The following CLEC16A variants were observed in gnomAD, a reference collection of about 807,000 sequenced individuals.
CLEC16A encodes protein CLEC16A.
In CLEC16A, 51 loss-of-function variants were observed where a neutral mutation model predicts 109.5. That is an observed-to-expected ratio of 0.47 (90% CI 0.37 to 0.59). The LOEUF is 0.59. Among genes scored for constraint, CLEC16A ranks in the 20% least tolerant of loss-of-function variants. The pLI is 0.00. For synonymous variants in CLEC16A, 673 were observed against 564.2 expected (o/e 1.19, Z -2.73); for missense variants, 1,339 against 1,394.0 (o/e 0.96, Z 0.63).
At chr16:10,951,469 G>A (rs1261546053) in intron 1 of CLEC16A, among the ~76,000 whole-genome samples, 1 of 152,044 alleles carries the variant, frequency 6.6e-6, no homozygotes, top group Non-Finnish European at 1.5e-5. Flanking sequence ...TTACTTCATT[G>A]TTTGCATTTC....
intron 22 of CLEC16A, among the ~76,000 whole-genome samples, chr16:11,153,505 G>T (rs931571233): frequency 1.3e-5 from 2 of 151,340 alleles, no homozygotes; most frequent in African/African-American, 4.9e-5. Flanking sequence ...ACCTCTAACA[G>T]ATTAAAAAGG....
Position 11,131,499 on chromosome 16 carries a change from C to T in CLEC16A, c.2641+5353C>T, listed in dbSNP as rs2053204368. 2.0e-5 allele frequency among the ~76,000 whole-genome samples: 3 copies of T among 152,318 alleles called. No individual in the cohort carries two copies. In the South Asian group the frequency reaches 6.2e-4, roughly 32 times the overall value. On this transcript the variant is annotated intron_variant, in intron 22 of 23. Transcript: ENST00000409790. Reference sequence around the variant, plus strand: ...AGGAGGCCGCAGGGAACCAGAGCTGCTTACAGGTGTTACCCTGGTGGGTTG... The same window carrying T: ...AGGAGGCCGCAGGGAACCAGAGCTGTTTACAGGTGTTACCCTGGTGGGTTG...
chr16:11,051,467 C>T (rs2047937041), intron 17 of CLEC16A, 46 bp from the exon 18 acceptor site: 1 of 1,584,404 alleles, frequency 6.3e-7, no homozygotes, highest in Non-Finnish European at 8.7e-7. Flanking sequence ...CTTCCTCCTT[C>T]CAAGTAAGGA....
chr16:10,969,105 C>G, intron 3 of CLEC16A, 56 bp from the exon 4 acceptor site: 4 of 1,477,484 alleles, frequency 2.7e-6, no homozygotes, highest in Middle Eastern at 2.3e-4. Context: ...TGCTTGTTAC[C>G]TGGCTTATCT....
chr16:11,012,470 C>G (rs1475691500), intron 11 of CLEC16A, among the ~76,000 whole-genome samples: 1 of 151,920 alleles, frequency 6.6e-6, no homozygotes, highest in East Asian at 1.9e-4. Flanking sequence ...TGGCACGTGC[C>G]TGTAGTCCCA....
chr16:11,042,888 GTAT>G (rs781310133), intron 15 of CLEC16A, among the ~76,000 whole-genome samples: 15 of 149,262 alleles, frequency 1.0e-4, no homozygotes, highest in Non-Finnish European at 1.5e-4. Context: ...ATATATTTAA[GTAT>G]TATAAGCAAA....
chr16:11,007,477 C>T (rs555890229), intron 11 of CLEC16A, among the ~76,000 whole-genome samples: 1 of 152,276 alleles, frequency 6.6e-6, no homozygotes, highest in South Asian at 2.1e-4. Flanking sequence ...CAGCTCTGCC[C>T]CTGAACAGCT....
At chr16:11,170,832 A>T (rs1384830338) in intron 23 of CLEC16A, among the ~76,000 whole-genome samples, 1 of 152,230 alleles carries the variant, frequency 6.6e-6, no homozygotes, top group East Asian at 1.9e-4. Context: ...ACCCAGAGGC[A>T]TGTGCAGTTA....
At chr16:10,989,350 AGCTGGGACTAAAG>A (rs1567164173) in intron 10 of CLEC16A, among the ~76,000 whole-genome samples, 1 of 152,170 alleles carries the variant, frequency 6.6e-6, no homozygotes, top group African/African-American at 2.4e-5. Flanking sequence ...CCTCCTGAGT[AGCTGGGACTAAAG>A]GCACATGCCA....
At chr16:11,143,381 G>A (rs1172533464) in intron 22 of CLEC16A, among the ~76,000 whole-genome samples, 1 of 152,178 alleles carries the variant, frequency 6.6e-6, no homozygotes, top group Non-Finnish European at 1.5e-5. Context: ...GAGACCTGGT[G>A]CCAGCAAATG....
chr16:11,009,330 T>C (rs1263699509), intron 11 of CLEC16A, among the ~76,000 whole-genome samples: 2 of 152,240 alleles, frequency 1.3e-5, no homozygotes, highest in African/African-American at 2.4e-5. Context: ...CATTTCTTTA[T>C]CCACTCCTCT....
rs199955538 is a variant in CLEC16A at position 10,982,959 on chromosome 16, G to A, written c.1039G>A (p.Ala347Thr). The change falls in exon 10 of 24, where the codon GCT becomes ACT. Residue 347 changes from alanine to threonine, a missense_variant. By Grantham distance (58) the Ala-to-Thr change is moderately conservative. Around this residue, in one of 3 missense-constraint regions of CLEC16A, gnomAD observed 1,061 missense variants for 1,006.8 expected, o/e 1.05. Coordinates refer to ENST00000409790, the MANE Select transcript of CLEC16A (RefSeq NM_015226.3). Reference protein sequence around the residue: ...ILNGDLSEMYAKTEQDIQRSS... With the variant: ...ILNGDLSEMYTKTEQDIQRSS... ...GAATGGTGATCTGTCTGAGATGTAC[G>A]CTAAGACTGAACAGGATATTCAGAG... The A allele has an allele frequency of 5.8e-5, 93 of 1,609,306 alleles. No individual in the cohort carries two copies. Among genetic ancestry groups the A allele is most frequent in the East Asian group, 2.0e-4 (9 of 44,866 alleles).
In CLEC16A at chr16:10,982,904, G is replaced by T. The variant is rs192627479; in HGVS notation, c.984G>T (p.Pro328=). Residue 328 remains proline, a synonymous_variant, in exon 10 of 24, where the codon CCG becomes CCT. Coordinates refer to ENST00000409790, the MANE Select transcript of CLEC16A (RefSeq NM_015226.3). The part of the protein sequence containing the change: ...SQVFLIIHHA[P]LVNSLAEVIL... ...TCTTCTTAATTATACATCATGCACC[G>T]CTGGTGAACTCGTTAGCTGAAGTCA... 1.2e-6 allele frequency: 2 copies of T among 1,607,972 alleles called. No homozygotes were observed. The highest frequency in any genetic ancestry group is 1.1e-5 in the South Asian group (1 of 90,932).
intron 13 of CLEC16A, among the ~76,000 whole-genome samples, chr16:11,033,471 G>A (rs761986258): frequency 1.3e-5 from 2 of 152,182 alleles, no homozygotes; most frequent in Non-Finnish European, 2.9e-5. Flanking sequence ...AAGCTGCCTC[G>A]TGGGGGAGCT....
At chr16:10,962,315 G>A in intron 2 of CLEC16A, 140 bp from the exon 3 acceptor site, 1 of 877,052 alleles carries the variant, frequency 1.1e-6, no homozygotes. Flanking sequence ...TGTGGCGGGT[G>A]ACAATGGGTG....
intron 11 of CLEC16A, among the ~76,000 whole-genome samples, chr16:11,016,645 G>A (rs1597059240): frequency 1.3e-5 from 2 of 152,076 alleles, no homozygotes; most frequent in Admixed American, 1.3e-4. Flanking sequence ...CCACATTCCA[G>A]CTCTTGGCCA....
intron 19 of CLEC16A, among the ~76,000 whole-genome samples, chr16:11,110,505 C>T (rs937384608): frequency 4.0e-5 from 6 of 151,566 alleles, no homozygotes; most frequent in African/African-American, 1.5e-4. Flanking sequence ...AACCATGATT[C>T]ATTTTCTCCC....
At position 11,049,365 on chromosome 16, in the gene CLEC16A, T is replaced by C. The variant is rs143330582; in HGVS notation, c.1866+2023T>C. Among the ~76,000 whole-genome samples, 489 of 152,252 alleles carry C rather than the reference T, an allele frequency of 3.2e-3. 2 individuals are homozygous for C. The highest frequency in any genetic ancestry group is 4.0e-3 in the Non-Finnish European group (273 of 68,016). Reference sequence around the variant, plus strand: ...CTACCTCATAGCCACCCAGGCTGTATATGAAATAGCCAACAAGAGGCCTCA... The same window carrying C: ...CTACCTCATAGCCACCCAGGCTGTACATGAAATAGCCAACAAGAGGCCTCA... On this transcript the variant is annotated intron_variant, in intron 17 of 23. Transcript: ENST00000409790.
chr16:11,080,703 G>A (rs543809529), intron 19 of CLEC16A, among the ~76,000 whole-genome samples: 2 of 152,260 alleles, frequency 1.3e-5, no homozygotes, highest in East Asian at 1.9e-4. Context: ...TCTAAAGGTC[G>A]CCTGTGCTTT....
Sources: gnomAD v4.1 joint callset for allele counts (sites outside exome capture counted in the v4.1 genomes callset) on GRCh38, gnomAD v4.1.1 for gene constraint, gnomAD v4.1.1 regional missense constraint, MANE v1.5 for transcripts, NCBI Gene and HGNC (gene_info 2026-07-23, HGNC 2026-07-21) for gene names.